The following PCDH15 variants were observed in gnomAD, a reference collection of about 807,000 sequenced individuals.
PCDH15 encodes the protein protocadherin related 15.
A neutral mutation model predicts 178.5 loss-of-function variants in PCDH15; 129 were observed. That is an observed-to-expected ratio of 0.72 (90% CI 0.63 to 0.84). The LOEUF (loss-of-function observed/expected upper bound fraction) is 0.84. Among genes scored for constraint, PCDH15 ranks in the 40% least tolerant of loss-of-function variants. The pLI, the probability that PCDH15 is intolerant of heterozygous loss-of-function variation, is 0.00. For missense variants in PCDH15, 2,230 were observed against 2,099.9 expected (o/e 1.06, Z -1.21); for synonymous variants, 800 against 732.0 (o/e 1.09, Z -1.50).
chr10:53,807,302 C>T (rs1012715891), intron 37 of PCDH15, among the ~76,000 whole-genome samples, 172 bp from the exon 38 acceptor site: 11 of 152,128 alleles, frequency 7.2e-5, no homozygotes, highest in Non-Finnish European at 1.3e-4. Flanking sequence ...TTTCATCAAT[C>T]CTTTATTGGC....
At chr10:55,370,073 T>A (rs929346224) in intron 2 of PCDH15, among the ~76,000 whole-genome samples, 9 of 152,058 alleles carry the variant, frequency 5.9e-5, no homozygotes, top group African/African-American at 1.4e-4. Flanking sequence ...GATATCCACT[T>A]GTAGGGAGAG....
At chr10:55,081,940 G>C (rs1169606917) in intron 2 of PCDH15, among the ~76,000 whole-genome samples, 2 of 152,048 alleles carry the variant, frequency 1.3e-5, no homozygotes, top group Non-Finnish European at 2.9e-5. Flanking sequence ...AATTATTAGA[G>C]CTAAAGAGAG....
chr10:54,934,556 G>A lies in PCDH15; in HGVS notation c.-79-37056C>T, dbSNP rs558199496. Among the ~76,000 whole-genome samples, 426 of 151,800 alleles carry A rather than the reference G, an allele frequency of 2.8e-3. 2 individuals are homozygous for A. Among genetic ancestry groups the A allele is most frequent in the African/African-American group, 9.6e-3 (396 of 41,376 alleles). On this transcript the variant is annotated intron_variant, in intron 2 of 5. Coordinates refer to the PCDH15 transcript ENST00000458638. The stretch of plus-strand genomic sequence containing the variant: ...ACCATCTCACACCAGTTAGAATGGC[G>A]ATCATTAAAAAGTCAGGAAACAACA...
At chr10:54,169,830 C>T (rs1167792456) in intron 13 of PCDH15, among the ~76,000 whole-genome samples, 1 of 151,862 alleles carries the variant, frequency 6.6e-6, no homozygotes, top group East Asian at 1.9e-4. Context: ...TATAAACTCT[C>T]CTTACAATTC....
intron 2 of PCDH15, among the ~76,000 whole-genome samples, chr10:55,138,475 A>G (rs1838262902): frequency 6.6e-6 from 1 of 152,100 alleles, no homozygotes. Flanking sequence ...GTATAGCCAC[A>G]ACTTGTAGGG....
chr10:54,778,908 G>A (rs898561726), intron 1 of PCDH15, among the ~76,000 whole-genome samples: 19 of 152,154 alleles, frequency 1.2e-4, no homozygotes, highest in African/African-American at 4.3e-4. Context: ...AGGCATGTTG[G>A]CAGTGATGGT....
At chr10:55,020,103 A>C (rs1190246610) in intron 2 of PCDH15, among the ~76,000 whole-genome samples, 1 of 146,868 alleles carries the variant, frequency 6.8e-6, no homozygotes, top group Non-Finnish European at 1.5e-5. Flanking sequence ...CTCTCTATAT[A>C]TAATATATAT....
At chr10:55,037,918 T>C in intron 2 of PCDH15, among the ~76,000 whole-genome samples, 1 of 152,214 alleles carries the variant, frequency 6.6e-6, no homozygotes, top group East Asian at 1.9e-4. Context: ...CGCATATGAC[T>C]TTCAGAAGTT....
At chr10:55,383,321 G>A (rs1307255779) in intron 2 of PCDH15, among the ~76,000 whole-genome samples, 1 of 151,990 alleles carries the variant, frequency 6.6e-6, no homozygotes, top group Non-Finnish European at 1.5e-5. Flanking sequence ...CTCCTTCACT[G>A]CCACACCACT....
At chr10:54,938,679 T>A (rs1837973576) in intron 2 of PCDH15, among the ~76,000 whole-genome samples, 1 of 152,218 alleles carries the variant, frequency 6.6e-6, no homozygotes, top group Non-Finnish European at 1.5e-5. Context: ...ACTGTTGATA[T>A]GTTAATTTAT....
chr10:54,656,544 G>A (rs1046549330), intron 2 of PCDH15, among the ~76,000 whole-genome samples: 3 of 152,138 alleles, frequency 2.0e-5, no homozygotes, highest in Non-Finnish European at 4.4e-5. Context: ...GTCAAGTGCC[G>A]TACTAGTTGT....
In PCDH15 at chr10:54,251,492, G is replaced by A. The variant is rs149077736; in HGVS notation, c.877-14561C>T. On this transcript the variant is annotated intron_variant, in intron 8 of 37. Transcript: ENST00000644397. ...GTTGCTTTATTCTCCTAGTCAGTTC[G>A]TCTGTAGTCTGGAAGATTTTTCAAA... is the stretch of plus-strand genomic sequence containing the variant. Among the ~76,000 whole-genome samples, 180 of 152,138 alleles carry A rather than the reference G, an allele frequency of 1.2e-3. 1 individual carries two copies. The East Asian group carries it at 0.027, about 23-fold the overall frequency.
intron 2 of PCDH15, among the ~76,000 whole-genome samples, chr10:54,545,242 C>G (rs1180463692): frequency 6.6e-6 from 1 of 152,144 alleles, no homozygotes; most frequent in Non-Finnish European, 1.5e-5. Flanking sequence ...ACTAAAATAG[C>G]TTCAATACTA....
chr10:54,084,722 A>G (rs1283886356), intron 16 of PCDH15, among the ~76,000 whole-genome samples: 1 of 151,932 alleles, frequency 6.6e-6, no homozygotes, highest in African/African-American at 2.4e-5. Context: ...CGTTATTAGG[A>G]AATACCGATG....
At chr10:55,108,652 T>C (rs1408064845) in intron 2 of PCDH15, among the ~76,000 whole-genome samples, 4 of 152,070 alleles carry the variant, frequency 2.6e-5, no homozygotes, top group African/African-American at 7.2e-5. Context: ...TTCTAATATG[T>C]TTCAAATTAA....
intron 13 of PCDH15, among the ~76,000 whole-genome samples, chr10:54,182,114 C>T (rs1447864951): frequency 5.3e-5 from 8 of 152,088 alleles, no homozygotes; most frequent in Admixed American, 6.6e-5. Context: ...CATGCCGCCA[C>T]GTCCGGCTAA....
chr10:54,820,264 T>A (rs1953016622), intron 3 of PCDH15, among the ~76,000 whole-genome samples: 1 of 152,012 alleles, frequency 6.6e-6, no homozygotes, highest in Admixed American at 6.6e-5. Context: ...GAGATACTTC[T>A]TCCAGTCGCT....
intron 2 of PCDH15, among the ~76,000 whole-genome samples, chr10:55,336,775 A>C (rs551817087): frequency 6.6e-6 from 1 of 152,274 alleles, no homozygotes; most frequent in East Asian, 1.9e-4. Context: ...TGAAAAACAT[A>C]GCTTTCCGTT....
intron 1 of PCDH15, among the ~76,000 whole-genome samples, chr10:54,733,360 A>C: frequency 6.6e-6 from 1 of 151,614 alleles, no homozygotes; most frequent in East Asian, 1.9e-4. Context: ...AACTGTAACC[A>C]TACCATGTAC....
Sources: gnomAD v4.1 joint callset for allele counts (sites outside exome capture counted in the v4.1 genomes callset) on GRCh38, gnomAD v4.1.1 for gene constraint, MANE v1.5 for transcripts, NCBI Gene and HGNC (gene_info 2026-07-23, HGNC 2026-07-21) for gene names.